Variants in ACACB observed in about 807,000 individuals in gnomAD.
ACACB encodes the protein acetyl-CoA carboxylase 2.
A neutral mutation model predicts 278.8 loss-of-function variants in ACACB; 209 were observed. The ratio of observed to expected loss-of-function variants is 0.75; its 90% confidence interval spans 0.67 to 0.84. The LOEUF (loss-of-function observed/expected upper bound fraction) is 0.84, where lower values mean the gene tolerates loss of function less well. Ranked by LOEUF, ACACB falls within the 40% of genes least tolerant of loss-of-function variation. The probability of loss-of-function intolerance (pLI) is 0.00; values close to 1 mark genes in which losing one functional copy is unlikely to be tolerated. For synonymous variants in ACACB, 1,174 were observed against 1,285.6 expected, an observed-to-expected ratio of 0.91 and a Z score of 1.86; for missense variants, 2,850 against 3,269.0, an observed-to-expected ratio of 0.87 and a Z score of 3.13.
chr12:109,140,093 C>A, intron 2 of ACACB, 35 bp downstream of exon 2: 3 of 1,541,570 alleles, frequency 1.9e-6, no homozygotes, highest in Non-Finnish European at 8.7e-7. Flanking sequence ...CTGAGGAGTG[C>A]AGAGTTCAGG....
chr12:109,118,104 T>C (rs1343728887), intron 1 of ACACB, among the ~76,000 whole-genome samples: 2 of 152,234 alleles, frequency 1.3e-5, no homozygotes, highest in African/African-American at 4.8e-5. Context: ...TGGAGTTCTT[T>C]ACAAGATTTC....
chr12:109,192,708 C>A (rs2044937468), intron 15 of ACACB, among the ~76,000 whole-genome samples: 1 of 151,982 alleles, frequency 6.6e-6, no homozygotes, highest in Non-Finnish European at 1.5e-5. Context: ...ATCACCCAGG[C>A]TAGAGTGCAG....
intron 40 of ACACB, among the ~76,000 whole-genome samples, chr12:109,248,371 G>C (rs2047005034): frequency 6.6e-6 from 1 of 152,192 alleles, no homozygotes; most frequent in Admixed American, 6.5e-5. Context: ...TGATCATAAG[G>C]TGAAGTCCCA....
At chr12:109,241,344 A>G (rs2136671816) in intron 36 of ACACB, 63 bp downstream of exon 36, 3 of 1,520,830 alleles carry the variant, frequency 2.0e-6, no homozygotes, top group Non-Finnish European at 2.7e-6. Flanking sequence ...TGGGCCATCA[A>G]TTTGTAGATT....
chr12:109,209,396 C>T (rs763329564), intron 21 of ACACB, 43 bp downstream of exon 21: 6 of 1,565,014 alleles, frequency 3.8e-6, no homozygotes, highest in Non-Finnish European at 5.2e-6. Context: ...AGGATGGTCA[C>T]ACTGGGCCGG....
At chr12:109,145,053 G>A (rs1257881748) in intron 2 of ACACB, among the ~76,000 whole-genome samples, 3 of 152,050 alleles carry the variant, frequency 2.0e-5, no homozygotes, top group African/African-American at 4.8e-5. Context: ...GAGCCACTGC[G>A]CCCGGCCCGC....
intron 16 of ACACB, among the ~76,000 whole-genome samples, chr12:109,196,111 G>A (rs989925271): frequency 6.6e-6 from 1 of 152,118 alleles, no homozygotes; most frequent in African/African-American, 2.4e-5. Context: ...TAGGGTGTGT[G>A]TTTTCTGAGA....
intron 2 of ACACB, among the ~76,000 whole-genome samples, chr12:109,142,118 G>A (rs2043137580): frequency 6.6e-6 from 1 of 152,084 alleles, no homozygotes. Flanking sequence ...ACATTGTGGT[G>A]CATACCTATA....
chr12:109,224,520 T>C (rs1409551247), intron 27 of ACACB, among the ~76,000 whole-genome samples: 1 of 148,368 alleles, frequency 6.7e-6, no homozygotes, highest in Non-Finnish European at 1.5e-5. Context: ...ATCAGAGTTT[T>C]AAATCTGCTC....
At chr12:109,206,428 C>CAAAAAA (rs35315851) in intron 19 of ACACB, among the ~76,000 whole-genome samples, 2 of 89,756 alleles carry the variant, frequency 2.2e-5, no homozygotes, top group African/African-American at 5.1e-5. Context: ...GCGAGTGTCT[C>CAAAAAA]AAAAAAAAAA....
At chr12:109,224,101 G>A (rs1000175016) in intron 27 of ACACB, among the ~76,000 whole-genome samples, 197 bp downstream of exon 27, 15 of 152,130 alleles carry the variant, frequency 9.9e-5, no homozygotes, top group Admixed American at 8.5e-4. Context: ...CTTATGCAAC[G>A]TCACACAGCT....
rs1002409357 is a variant in ACACB, at chr12:109,212,893, GTCT to G, written c.3313_3315del (p.Phe1105del). On this transcript the variant is annotated inframe_deletion, in exon 22 of 53. Transcript: ENST00000338432. The stretch of plus-strand genomic sequence containing the variant: ...CCTGCAGCGGAAGGCTGATCGAGAG[GTCT>G]TCTTCATCAACACCCAGAGCATCGT... 1 of 1,614,148 alleles carries G rather than the reference GTCT, an allele frequency of 6.2e-7. No homozygotes were observed. The highest frequency in any genetic ancestry group is 8.5e-7 in the Non-Finnish European group (1 of 1,180,004).
At chr12:109,137,983 C>G (rs1208054871) in intron 1 of ACACB, among the ~76,000 whole-genome samples, 3 of 151,846 alleles carry the variant, frequency 2.0e-5, no homozygotes, top group Non-Finnish European at 4.4e-5. Context: ...ACTGCAACCT[C>G]CACCTCCAGG....
intron 1 of ACACB, among the ~76,000 whole-genome samples, chr12:109,135,661 G>A (rs2042948690): frequency 6.6e-6 from 1 of 151,818 alleles, no homozygotes; most frequent in African/African-American, 2.4e-5. Context: ...TCTTCTAAGA[G>A]GTTTGTGGTT....
In ACACB at chr12:109,216,851, C is replaced by G; in HGVS notation, c.3495C>G (p.Ser1165=). The G allele has an allele frequency of 6.2e-7, 1 of 1,614,096 alleles. No homozygotes were observed. The highest frequency in any genetic ancestry group is 2.2e-5 in the East Asian group (1 of 44,876). The change falls in exon 24 of 53, where the codon TCC becomes TCG. Residue 1165 remains serine, a synonymous_variant. Transcript: ENST00000338432. ...NLREQFKPDM[S]QVLDCIFSHA... The stretch of plus-strand genomic sequence containing the variant: ...GGGAGCAGTTCAAGCCAGACATGTC[C>G]CAGGTGCTGGACTGCATCTTCTCCC...
intron 42 of ACACB, 129 bp downstream of exon 42, chr12:109,252,285 C>CG: frequency 1.7e-6 from 1 of 604,048 alleles, no homozygotes; most frequent in East Asian, 3.1e-5. Flanking sequence ...TACAAGAGCT[C>CG]TTTTTTTCCA....
intron 24 of ACACB, 144 bp from the exon 25 acceptor site, chr12:109,222,363 T>C: frequency 1.5e-6 from 1 of 678,172 alleles, no homozygotes; most frequent in South Asian, 1.8e-5. Flanking sequence ...TGGTGAGGGT[T>C]TGCATAACAG....
chr12:109,264,448 G>A (rs76333342), intron 50 of ACACB, 62 bp downstream of exon 50: 19,553 of 1,527,880 alleles, frequency 0.013, 135 homozygotes, highest in Non-Finnish European at 0.015. Flanking sequence ...AAACATGGAG[G>A]ACATTTGGGC....
chr12:109,251,385 T>A (rs1169796221), intron 41 of ACACB, among the ~76,000 whole-genome samples: 2 of 152,258 alleles, frequency 1.3e-5, no homozygotes, highest in Non-Finnish European at 2.9e-5. Context: ...TAGTACTCTT[T>A]AATGATAAAC....
Sources: allele counts gnomAD v4.1 joint callset (sites outside exome capture counted in the v4.1 genomes callset), GRCh38; gene constraint gnomAD v4.1.1; transcripts MANE v1.5; gene names NCBI Gene and HGNC (gene_info 2026-07-23, HGNC 2026-07-21).